The following PLEKHA8 variants were observed in gnomAD, a reference collection of about 807,000 sequenced individuals.
PLEKHA8 encodes pleckstrin homology domain-containing family A member 8.
In PLEKHA8, 36 loss-of-function variants were observed where a neutral mutation model predicts 68.2. The observed-to-expected ratio is 0.53, with a 90% CI of 0.40 to 0.70. The LOEUF (loss-of-function observed/expected upper bound fraction) is 0.70. PLEKHA8 is among the 30% of genes least tolerant of loss of function. PLEKHA8 has a pLI of 0.00. For missense variants in PLEKHA8, 505 were observed against 615.4 expected (o/e 0.82, Z 1.90); for synonymous variants, 211 against 216.1 (o/e 0.98, Z 0.20).
chr7:30,045,738 C>T (rs1187681324), intron 2 of PLEKHA8, among the ~76,000 whole-genome samples: 7 of 152,244 alleles, frequency 4.6e-5, no homozygotes, highest in African/African-American at 1.7e-4. Context: ...TCCTAAAGGC[C>T]TCTGAGAAAA....
rs1467363790 is a variant in PLEKHA8, at chr7:30,080,196, TA to T, written c.*1413del. On this transcript the variant is annotated 3_prime_UTR_variant, in exon 14 of 14. Transcript: ENST00000449726. The stretch of plus-strand genomic sequence containing the variant: ...TAAGAAAACAGTTTCTTAAACTTCT[TA>T]AAACTTAAGAAACATTGTTTCATAA... 1 of 985,224 alleles carries T rather than the reference TA, an allele frequency of 1.0e-6. No individual in the cohort carries two copies. Among genetic ancestry groups the T allele is most frequent in the Non-Finnish European group, 1.2e-6 (1 of 829,866 alleles). The allele number at this position is 985,224 out of a possible 1,614,324, so 61.0% of individuals were successfully genotyped here.
intron 10 of PLEKHA8, among the ~76,000 whole-genome samples, chr7:30,061,459 T>C (rs1197293378): frequency 6.6e-6 from 1 of 152,202 alleles, no homozygotes. Context: ...TTCTTGAGGA[T>C]ACAGTGCCCA....
intron 13 of PLEKHA8, among the ~76,000 whole-genome samples, chr7:30,126,770 C>T (rs1441529884): frequency 1.3e-5 from 2 of 152,162 alleles, no homozygotes; most frequent in African/African-American, 4.8e-5. Flanking sequence ...AGAACTTATG[C>T]AGGGAAACTC....
chr7:30,066,571 A>G (rs1266793607), intron 12 of PLEKHA8, among the ~76,000 whole-genome samples: 1 of 152,176 alleles, frequency 6.6e-6, no homozygotes, highest in Non-Finnish European at 1.5e-5. Flanking sequence ...TTGGGTTCAC[A>G]AGGCAGATAT....
At chr7:30,042,531 A>T (rs932719449) in intron 1 of PLEKHA8, among the ~76,000 whole-genome samples, 1 of 152,222 alleles carries the variant, frequency 6.6e-6, no homozygotes, top group Non-Finnish European at 1.5e-5. Context: ...CATGGGAGTG[A>T]AAAGATGCTG....
Position 30,108,072 on chromosome 7 carries a change from A to ACAAAAAAAAAAC in PLEKHA8, c.1363-21194_1363-21193insCAAAAAAAAAAC, listed in dbSNP as rs1305023222. Among the ~76,000 whole-genome samples, 409 of 147,278 alleles carry ACAAAAAAAAAAC rather than the reference A, an allele frequency of 2.8e-3. 6 individuals carry two copies. Among genetic ancestry groups the ACAAAAAAAAAAC allele is most frequent in the African/African-American group, 0.01 (392 of 38,578 alleles). ...CAAAAAGCAAAACTCCATCTCAAAA[A>ACAAAAAAAAAAC]AAAAAAAAAAAAAAAAAAAACCTAC... On this transcript the variant is annotated intron_variant, in intron 13 of 13. Coordinates refer to the PLEKHA8 transcript ENST00000396257.
intron 13 of PLEKHA8, among the ~76,000 whole-genome samples, chr7:30,114,348 G>A (rs1796361517): frequency 6.6e-6 from 1 of 152,200 alleles, no homozygotes; most frequent in Non-Finnish European, 1.5e-5. Flanking sequence ...TTACAGATGA[G>A]GGACTTGAGG....
At position 30,111,446 on chromosome 7, in the gene PLEKHA8, T is replaced by C. The variant is rs554670089; in HGVS notation, c.1363-17820T>C. Among the ~76,000 whole-genome samples, 4 of 152,310 alleles carry C rather than the reference T, an allele frequency of 2.6e-5. No homozygotes were observed. The South Asian group carries it at 8.3e-4, about 32-fold the overall frequency. On this transcript the variant is annotated intron_variant, in intron 13 of 13. Coordinates refer to the PLEKHA8 transcript ENST00000396257. The stretch of plus-strand genomic sequence containing the variant: ...AGATTGTTTTGGCTATTCTGTGTCA[T>C]CTTATTTTAAATTTTTTTCATTTAA...
downstream of PLEKHA8, among the ~76,000 whole-genome samples, chr7:30,091,722 A>G (rs1795422824): frequency 1.3e-5 from 2 of 152,208 alleles, no homozygotes; most frequent in African/African-American, 4.8e-5. Context: ...GAAGCCAGAA[A>G]GACTCTTAGC....
In PLEKHA8 at chr7:30,046,249, C is replaced by T; in HGVS notation, c.197C>T (p.Pro66Leu). 1 of 1,613,480 alleles carries T rather than the reference C, an allele frequency of 6.2e-7. No homozygotes were observed. The change falls in exon 3 of 14, where the codon CCT becomes CTT. Residue 66 changes from proline to leucine, a missense_variant. Pro to Leu is a moderately conservative substitution (Grantham distance 98). Coordinates refer to ENST00000449726, the MANE Select transcript of PLEKHA8 (RefSeq NM_001197026.2). ...VDNTRMDLII[P>L]GEQYFYLKAR... ...AATACACGCATGGACCTGATAATCC[C>T]TGGGGAACAGTATTTCTACCTGAAG...
chr7:30,103,968 A>G (rs1211296004), intron 13 of PLEKHA8, among the ~76,000 whole-genome samples: 1 of 151,182 alleles, frequency 6.6e-6, no homozygotes, highest in Non-Finnish European at 1.5e-5. Context: ...CATATGGCTG[A>G]GAAAAGCTTG....
At chr7:30,045,230 AT>A in intron 2 of PLEKHA8, 29 bp downstream of exon 2, 1 of 1,527,608 alleles carries the variant, frequency 6.5e-7, no homozygotes. Flanking sequence ...TGCAAGTTTT[AT>A]TTTTCTTTCT....
intron 9 of PLEKHA8, among the ~76,000 whole-genome samples, chr7:30,058,471 C>CT (rs79972069): frequency 0.025 from 3,157 of 125,218 alleles, 53 homozygotes; most frequent in African/African-American, 0.059. Context: ...AGTTGAGGTT[C>CT]TTTTTTTTTT....
At chr7:30,070,062 T>G (rs1794130907) in intron 12 of PLEKHA8, among the ~76,000 whole-genome samples, 1 of 152,212 alleles carries the variant, frequency 6.6e-6, no homozygotes, top group African/African-American at 2.4e-5. Flanking sequence ...TTCATCTTAT[T>G]TTAATGCCAT....
chr7:30,107,848 C>A (rs2128015345), intron 13 of PLEKHA8, among the ~76,000 whole-genome samples: 1 of 152,156 alleles, frequency 6.6e-6, no homozygotes. Context: ...GTGGGCAGAT[C>A]ACCTGAGGTC....
chr7:30,081,573 C>G lies in PLEKHA8; in HGVS notation c.*2786C>G. The G allele has an allele frequency of 2.0e-6, 2 of 985,180 alleles. No individual in the cohort carries two copies. Among genetic ancestry groups the G allele is most frequent in the Non-Finnish European group, 2.4e-6 (2 of 829,718 alleles). The allele number at this position is 985,180 out of a possible 1,614,324, so 61.0% of individuals were successfully genotyped here. A position where few individuals can be genotyped will look rare whatever the true frequency, so the allele number is the denominator to read the frequency against. On this transcript the variant is annotated 3_prime_UTR_variant, in exon 14 of 14. Transcript: ENST00000449726. ...TTCTCTCCATAGCCCTCCAAGACTT[C>G]TGGGACAACTAAATTTACTTTCACC...
intron 13 of PLEKHA8, among the ~76,000 whole-genome samples, chr7:30,103,188 A>G (rs1415132385): frequency 6.6e-6 from 1 of 152,200 alleles, no homozygotes; most frequent in East Asian, 1.9e-4. Context: ...CAGAACAAAA[A>G]TGTTCCAGAT....
chr7:30,130,230 A>G (rs1401139811), downstream of PLEKHA8: 1 of 152,226 alleles, frequency 6.6e-6, no homozygotes, highest in African/African-American at 2.4e-5. Context: ...CATCATTATC[A>G]GAAAAGAAAC....
chr7:30,070,483 C>A lies in PLEKHA8; in HGVS notation c.1301-3588C>A, dbSNP rs540707529. Among the ~76,000 whole-genome samples the A allele has an allele frequency of 1.7e-3, 261 of 150,942 alleles. 1 individual carries two copies. Among genetic ancestry groups the A allele is most frequent in the African/African-American group, 6.0e-3 (247 of 41,128 alleles). On this transcript the variant is annotated intron_variant, in intron 12 of 13. Coordinates refer to ENST00000449726, the MANE Select transcript of PLEKHA8 (RefSeq NM_001197026.2). ...TTTCTAGGCTTTTTTGAACGGTTAACTTGAATGGCAATGTATAGGAAAGGT... is the reference window on the plus strand; with the variant it reads ...TTTCTAGGCTTTTTTGAACGGTTAAATTGAATGGCAATGTATAGGAAAGGT...
Sources: allele counts gnomAD v4.1 joint callset (sites outside exome capture counted in the v4.1 genomes callset), GRCh38; gene constraint gnomAD v4.1.1; transcripts MANE v1.5; gene names NCBI Gene and HGNC (gene_info 2026-07-23, HGNC 2026-07-21).